SPECC1: variants seen among roughly 807,000 people sequenced by gnomAD.
SPECC1 encodes sperm antigen with calponin homology and coiled-coil domains 1, also known as cytospin-B.
A neutral mutation model predicts 104.1 loss-of-function variants in SPECC1; 62 were observed. The observed-to-expected ratio is 0.60, with a 90% CI of 0.49 to 0.74. The LOEUF is 0.74. SPECC1 is among the 30% of genes least tolerant of loss of function. The pLI is 0.00. For missense variants in SPECC1, 1,306 were observed against 1,310.5 expected (o/e 1.00, Z 0.05); for synonymous variants, 513 against 501.6 (o/e 1.02, Z -0.30).
chr17:20,054,601 C>T (rs948591238), intron 1 of SPECC1, among the ~76,000 whole-genome samples: 3 of 152,086 alleles, frequency 2.0e-5, no homozygotes, highest in African/African-American at 2.4e-5. Flanking sequence ...AGATGAGGGT[C>T]GATGCTCTGT....
At chr17:20,189,559 C>T (rs985849079) in intron 3 of SPECC1, among the ~76,000 whole-genome samples, 1 of 152,120 alleles carries the variant, frequency 6.6e-6, no homozygotes, top group Non-Finnish European at 1.5e-5. Flanking sequence ...CATTATCTCT[C>T]CTCAGAAACA....
intron 13 of SPECC1, among the ~76,000 whole-genome samples, chr17:20,303,011 A>ATT (rs1360112347): frequency 6.6e-6 from 1 of 152,082 alleles, no homozygotes; most frequent in African/African-American, 2.4e-5. Context: ...ATCAATACAA[A>ATT]TTAAAACAAT....
intron 3 of SPECC1, chr17:20,126,375 T>G (rs2049307210): frequency 6.6e-6 from 1 of 152,200 alleles, no homozygotes; most frequent in Non-Finnish European, 1.5e-5. Flanking sequence ...CATTGTACTT[T>G]GTTCTTATTT....
At chr17:20,245,809 G>T in intron 7 of SPECC1, 117 bp from the exon 8 acceptor site, 1 of 1,228,398 alleles carries the variant, frequency 8.1e-7, no homozygotes, top group South Asian at 1.7e-5. Flanking sequence ...GTTAAATTCA[G>T]AATTTCCCTT....
intron 1 of SPECC1, among the ~76,000 whole-genome samples, chr17:20,078,124 A>G (rs1438763701): frequency 6.6e-6 from 1 of 150,792 alleles, no homozygotes; most frequent in Non-Finnish European, 1.5e-5. Flanking sequence ...AGAGTCAAAC[A>G]TGTCATTCTT....
intron 7 of SPECC1, 156 bp downstream of exon 7, chr17:20,232,561 T>G: frequency 1.2e-6 from 1 of 812,946 alleles, no homozygotes; most frequent in Non-Finnish European, 1.9e-6. Context: ...CTAGGAACAT[T>G]CTGTACAGTA....
At chr17:20,249,100 TACA>T (rs1378367752) in intron 9 of SPECC1, among the ~76,000 whole-genome samples, 1 of 152,150 alleles carries the variant, frequency 6.6e-6, no homozygotes, top group African/African-American at 2.4e-5. Flanking sequence ...TTTTAAAAAA[TACA>T]ACGTTATATA....
chr17:20,149,051 G>A (rs1489183008), intron 3 of SPECC1, among the ~76,000 whole-genome samples: 1 of 152,060 alleles, frequency 6.6e-6, no homozygotes. Context: ...CATATGTACT[G>A]TTTTGCTTTT....
Position 20,205,295 on chromosome 17 carries a change from G to A in SPECC1, c.1246G>A (p.Val416Met), listed in dbSNP as rs534669659. 80 of 1,614,220 alleles carry A rather than the reference G, an allele frequency of 5.0e-5. 1 individual carries two copies. The East Asian group carries it at 1.7e-3, about 34-fold the overall frequency. ...ATTGACAGCTGAAAATGAGAAGCTG[G>A]TGGATGAAAAGACGATTTTAGAGAC... ...QELTAENEKL[V>M]DEKTILETSF... The change falls in exon 4 of 15, where the codon GTG becomes ATG. Residue 416 changes from valine to methionine, a missense_variant. Physicochemically the swap from Val to Met is conservative, Grantham distance 21. Transcript: ENST00000395527.
At chr17:20,078,409 G>C (rs1388651722) in intron 1 of SPECC1, among the ~76,000 whole-genome samples, 3 of 151,968 alleles carry the variant, frequency 2.0e-5, no homozygotes, top group Non-Finnish European at 4.4e-5. Flanking sequence ...AAGGAATATA[G>C]AAGGCCAATA....
chr17:20,013,021 A>G (rs1281727790), intron 1 of SPECC1, among the ~76,000 whole-genome samples: 2 of 152,206 alleles, frequency 1.3e-5, no homozygotes, highest in Non-Finnish European at 2.9e-5. Context: ...ATGTTGTAGC[A>G]TGTGTCAGAA....
intron 4 of SPECC1, among the ~76,000 whole-genome samples, chr17:20,223,860 G>C (rs1192486983): frequency 6.6e-6 from 1 of 152,128 alleles, no homozygotes; most frequent in African/African-American, 2.4e-5. Context: ...CATTTGATGA[G>C]GTCATGTTTT....
rs77227707 is a variant in SPECC1 at position 20,206,512 on chromosome 17, A to G, written c.1863+600A>G. Among the ~76,000 whole-genome samples the G allele has an allele frequency of 3.1e-4, 47 of 152,332 alleles. No individual in the cohort carries two copies. The East Asian group carries it at 5.6e-3, about 18-fold the overall frequency. ...TGCATTTGACATTTTAGAAATATTA[A>G]AACTTTTCTCAGCATATTCCTATCA... is the stretch of plus-strand genomic sequence containing the variant. On this transcript the variant is annotated intron_variant, in intron 4 of 14. Coordinates refer to ENST00000395527, the MANE Select transcript of SPECC1 (RefSeq NM_001243439.2).
At chr17:20,187,344 G>A (rs553170449) in intron 3 of SPECC1, among the ~76,000 whole-genome samples, 1 of 152,280 alleles carries the variant, frequency 6.6e-6, no homozygotes, top group Admixed American at 6.5e-5. Flanking sequence ...AAGTGAGTCA[G>A]CATATCACCC....
At chr17:20,221,524 G>T (rs1243713877) in intron 4 of SPECC1, among the ~76,000 whole-genome samples, 1 of 151,792 alleles carries the variant, frequency 6.6e-6, no homozygotes, top group Admixed American at 6.6e-5. Flanking sequence ...TTTTATCTTT[G>T]ATTTTATTTA....
chr17:20,231,666 A>G (rs1210214695), intron 5 of SPECC1, 92 bp from the exon 6 acceptor site: 1 of 1,139,788 alleles, frequency 8.8e-7, no homozygotes, highest in Non-Finnish European at 1.3e-6. Context: ...CTGTTGTGGC[A>G]TCTGGAGCTG....
chr17:20,225,228 T>C (rs1598025756), intron 4 of SPECC1, among the ~76,000 whole-genome samples: 1 of 152,068 alleles, frequency 6.6e-6, no homozygotes, highest in African/African-American at 2.4e-5. Context: ...CTGCCTGGGG[T>C]TGGGGGAAGA....
chr17:20,163,829 G>A (rs1436733486), intron 3 of SPECC1, among the ~76,000 whole-genome samples: 1 of 152,132 alleles, frequency 6.6e-6, no homozygotes, highest in African/African-American at 2.4e-5. Context: ...CCAAAGTGCT[G>A]AGATTTTATA....
chr17:20,212,416 C>T (rs1219366395), intron 4 of SPECC1, among the ~76,000 whole-genome samples: 1 of 152,180 alleles, frequency 6.6e-6, no homozygotes, highest in African/African-American at 2.4e-5. Context: ...CTTAACAGTT[C>T]CACTTGGCTG....
Sources: gnomAD v4.1 joint callset for allele counts (sites outside exome capture counted in the v4.1 genomes callset) on GRCh38, gnomAD v4.1.1 for gene constraint, MANE v1.5 for transcripts, NCBI Gene and HGNC (gene_info 2026-07-23, HGNC 2026-07-21) for gene names.